Variants in FAM76A observed in about 807,000 individuals in gnomAD.
The protein encoded by FAM76A is protein FAM76A.
A neutral mutation model predicts 46.2 loss-of-function variants in FAM76A; 32 were observed. The ratio of observed to expected loss-of-function variants is 0.69; its 90% confidence interval spans 0.52 to 0.93. The LOEUF (loss-of-function observed/expected upper bound fraction) is 0.93, where lower values mean the gene tolerates loss of function less well. FAM76A is among the 40% of genes least tolerant of loss of function. The pLI, the probability that FAM76A is intolerant of heterozygous loss-of-function variation, is 0.00. For synonymous variants in FAM76A, 137 were observed against 127.0 expected, an observed-to-expected ratio of 1.08 and a Z score of -0.53; for missense variants, 274 against 361.5, an observed-to-expected ratio of 0.76 and a Z score of 1.96.
At chr1:27,727,218 A>C (rs779069410) in intron 1 of FAM76A, among the ~76,000 whole-genome samples, 2 of 152,212 alleles carry the variant, frequency 1.3e-5, no homozygotes, top group Non-Finnish European at 2.9e-5. Context: ...CCAGTCTGGG[A>C]CTTGTTCATA....
intron 8 of FAM76A, 52 bp from the exon 9 acceptor site, chr1:27,760,443 G>T: frequency 6.8e-7 from 1 of 1,472,764 alleles, no homozygotes; most frequent in South Asian, 1.2e-5. Flanking sequence ...ATGAAAAATA[G>T]CTTATATCCT....
intron 4 of FAM76A, among the ~76,000 whole-genome samples, chr1:27,734,909 G>T (rs548110612): frequency 9.6e-4 from 146 of 152,326 alleles, no homozygotes; most frequent in Non-Finnish European, 1.6e-3. Flanking sequence ...ATGTGGAAGG[G>T]TGTACCTTGA....
rs562508870 is a variant in FAM76A, at chr1:27,757,803, T to C, written c.736-1723T>C. On this transcript the variant is annotated intron_variant, in intron 7 of 8. Transcript: ENST00000373954. Reference sequence around the variant, plus strand: ...CATCCTGGCTAACACGGTGAAACCCTGTCTCTACTAAAAATACAAAAAAAT... The same window carrying C: ...CATCCTGGCTAACACGGTGAAACCCCGTCTCTACTAAAAATACAAAAAAAT... Among the ~76,000 whole-genome samples the C allele has an allele frequency of 3.3e-3, 495 of 152,214 alleles. 3 individuals are homozygous for C. Among genetic ancestry groups the C allele is most frequent in the African/African-American group, 7.1e-3 (293 of 41,558 alleles).
chr1:27,760,870 C>CTTTTT lies in FAM76A; in HGVS notation c.*291_*295dup, dbSNP rs2088492929. 1 of 43,152 alleles carries CTTTTT rather than the reference C, an allele frequency of 2.3e-5. No homozygotes were observed. The highest frequency in any genetic ancestry group is 4.7e-5 in the Non-Finnish European group (1 of 21,272). 2.7% of individuals were successfully genotyped at this position (43,152 alleles called of 1,614,324 possible). A position where few individuals can be genotyped will look rare whatever the true frequency, so the allele number is the denominator to read the frequency against. ...TATTTTGGTTCTATTCTTTTTTTTT[C>CTTTTT]TTTTTTCTTTTTTTTTTTTTTTTTT... On this transcript the variant is annotated 3_prime_UTR_variant, in exon 9 of 9. Transcript: ENST00000373954.
intron 7 of FAM76A, 112 bp downstream of exon 7, chr1:27,755,442 G>A (rs2088394929): frequency 5.1e-6 from 7 of 1,384,310 alleles, no homozygotes; most frequent in Non-Finnish European, 7.0e-6. Context: ...CTATGTCAAG[G>A]TTGGGATATC....
intron 2 of FAM76A, 61 bp from the exon 3 acceptor site, chr1:27,732,542 T>C (rs2087977237): frequency 6.7e-7 from 1 of 1,494,520 alleles, no homozygotes; most frequent in Non-Finnish European, 9.2e-7. Flanking sequence ...TCCTTGGGCT[T>C]AAGGAGGTAT....
At chr1:27,744,593 C>T in intron 4 of FAM76A, 61 bp from the exon 5 acceptor site, 1 of 1,574,504 alleles carries the variant, frequency 6.4e-7, no homozygotes, top group Non-Finnish European at 8.7e-7. Context: ...GCTCCCAATA[C>T]CACGTTTGCA....
chr1:27,761,809 C>A lies in FAM76A; in HGVS notation c.*1228C>A, dbSNP rs561640028. On this transcript the variant is annotated 3_prime_UTR_variant, in exon 9 of 9. Coordinates refer to ENST00000373954, the MANE Select transcript of FAM76A (RefSeq NM_152660.3). ...AAACCCCATCTGTACTAAAAAAATA[C>A]AAAAATTAGCCGGGCCTGGTGGCAT... 1 of 151,890 alleles carries A rather than the reference C, an allele frequency of 6.6e-6. No homozygotes were observed. Among genetic ancestry groups the A allele is most frequent in the East Asian group, 1.9e-4 (1 of 5,174 alleles). 9.4% of individuals were successfully genotyped at this position (151,890 alleles called of 1,614,324 possible).
chr1:27,729,343 G>A (rs879313670), intron 2 of FAM76A, among the ~76,000 whole-genome samples: 9 of 151,918 alleles, frequency 5.9e-5, no homozygotes, highest in Non-Finnish European at 1.2e-4. Context: ...ATATAGCTGG[G>A]ACCAGGGGTG....
chr1:27,734,070 A>C lies in FAM76A; in HGVS notation c.241A>C (p.Ile81Leu). 6.2e-7 allele frequency: 1 copy of C among 1,611,302 alleles called. No homozygotes were observed. The highest frequency in any genetic ancestry group is 8.5e-7 in the Non-Finnish European group (1 of 1,179,496). ...GTATTGCAACATAATTGCAGCATTT[A>C]TTGGGAATAAATGCCAGCGCTGCAC... is the stretch of plus-strand genomic sequence containing the variant. ...CQYCNIIAAFIGNKCQRCTNS... is the reference protein window; with the variant it reads ...CQYCNIIAAFLGNKCQRCTNS... Residue 81 changes from isoleucine to leucine, a missense_variant, in exon 4 of 9, where the codon ATT becomes CTT. Physicochemically the swap from Ile to Leu is conservative, Grantham distance 5 (BLOSUM62 2). Transcript: ENST00000373954.
At chr1:27,732,734 C>T (rs2087981200) in intron 3 of FAM76A, 77 bp downstream of exon 3, 2 of 1,072,852 alleles carry the variant, frequency 1.9e-6, no homozygotes, top group Admixed American at 4.2e-5. Context: ...CTACTAATGC[C>T]ATTACAATAT....
chr1:27,759,444 G>T, intron 7 of FAM76A, 82 bp from the exon 8 acceptor site: 1 of 810,206 alleles, frequency 1.2e-6, no homozygotes, highest in Non-Finnish European at 2.0e-6. Context: ...TCATTAATTT[G>T]GGTGACCATT....
intron 7 of FAM76A, 64 bp downstream of exon 7, chr1:27,755,394 A>G (rs1051258233): frequency 1.5e-5 from 24 of 1,586,286 alleles, no homozygotes; most frequent in Admixed American, 8.4e-5. Flanking sequence ...GGTATGGGAC[A>G]TGATAATAAC....
At chr1:27,734,871 T>C (rs2088018903) in intron 4 of FAM76A, among the ~76,000 whole-genome samples, 1 of 152,242 alleles carries the variant, frequency 6.6e-6, no homozygotes, top group Non-Finnish European at 1.5e-5. Flanking sequence ...AAATTCAAGA[T>C]TACAAGATTA....
intron 1 of FAM76A, 59 bp from the exon 2 acceptor site, chr1:27,727,413 A>G (rs1156483585): frequency 1.4e-6 from 2 of 1,447,052 alleles, no homozygotes; most frequent in East Asian, 2.3e-5. Flanking sequence ...TCGGCTTCCT[A>G]CTGAAGGCTG....
Position 27,734,132 on chromosome 1 carries a change from T to G in FAM76A, c.303T>G (p.Cys101Trp). 1.2e-6 allele frequency: 2 copies of G among 1,612,560 alleles called. No individual in the cohort carries two copies. Among genetic ancestry groups the G allele is most frequent in the Non-Finnish European group, 1.7e-6 (2 of 1,179,698 alleles). Residue 101 changes from cysteine to tryptophan, a missense_variant, in exon 4 of 9, where the codon TGT becomes TGG. By Grantham distance (215) the Cys-to-Trp change is radical. Transcript: ENST00000373954. Reference protein sequence around the residue: ...SEKKYGPPYSCEQCKQQCAFD... With the variant: ...SEKKYGPPYSWEQCKQQCAFD... The stretch of plus-strand genomic sequence containing the variant: ...AGAAGTATGGACCACCCTATTCTTG[T>G]GAACAGTGCAAGCAGCAGTGTGCAT...
intron 5 of FAM76A, among the ~76,000 whole-genome samples, chr1:27,745,656 T>C (rs1483415412): frequency 6.6e-6 from 1 of 152,096 alleles, no homozygotes; most frequent in Non-Finnish European, 1.5e-5. Context: ...TGGAAACGTG[T>C]CAAGAATGCA....
At chr1:27,736,299 G>A (rs978852883) in intron 4 of FAM76A, among the ~76,000 whole-genome samples, 11 of 152,236 alleles carry the variant, frequency 7.2e-5, no homozygotes, top group Middle Eastern at 3.4e-3. Context: ...TCTAGCCTGG[G>A]CAACAGAGCA....
At position 27,726,015 on chromosome 1, in the gene FAM76A, GC is replaced by G. The variant is rs1246785420; in HGVS notation, c.-64del. 1 of 1,213,734 alleles carries G rather than the reference GC, an allele frequency of 8.2e-7. No individual in the cohort carries two copies. The highest frequency in any genetic ancestry group is 1.0e-6 in the Non-Finnish European group (1 of 964,530). The allele number at this position is 1,213,734 out of a possible 1,614,324, so 75.2% of individuals were successfully genotyped here. ...CAGCCTGCAGCCGCCGCCGGGTTGT[GC>G]CTCAGACTGTCAGATAAATCGGCGG... On this transcript the variant is annotated 5_prime_UTR_variant, in exon 1 of 9. Coordinates refer to ENST00000373954, the MANE Select transcript of FAM76A (RefSeq NM_152660.3).
Sources: allele counts gnomAD v4.1 joint callset (sites outside exome capture counted in the v4.1 genomes callset), GRCh38; gene constraint gnomAD v4.1.1; transcripts MANE v1.5; gene names NCBI Gene and HGNC (gene_info 2026-07-23, HGNC 2026-07-21).